Variants in VPS13B observed in about 807,000 individuals in gnomAD.
The protein encoded by VPS13B is intermembrane lipid transfer protein VPS13B.
In VPS13B, 285 loss-of-function variants were observed where a neutral mutation model predicts 426.4. The observed-to-expected ratio is 0.67, with a 90% CI of 0.61 to 0.74. VPS13B has a LOEUF of 0.74. VPS13B is among the 30% of genes least tolerant of loss of function. The probability of loss-of-function intolerance (pLI) is 0.00; values close to 1 mark genes in which losing one functional copy is unlikely to be tolerated. For synonymous variants in VPS13B, 1,676 were observed against 1,676.4 expected, an observed-to-expected ratio of 1.00 and a Z score of 0.01; for missense variants, 4,537 against 4,782.6, an observed-to-expected ratio of 0.95 and a Z score of 1.51.
At chr8:99,268,463 T>C (rs539690943) in intron 17 of VPS13B, among the ~76,000 whole-genome samples, 2 of 152,310 alleles carry the variant, frequency 1.3e-5, no homozygotes, top group South Asian at 4.1e-4. Context: ...TGGGAGCCCA[T>C]CTCTTGCAAC....
In VPS13B at chr8:99,851,315, A is replaced by C. The variant is rs970329379; in HGVS notation, c.10062-2136A>C. On this transcript the variant is annotated intron_variant, in intron 55 of 61. Coordinates refer to ENST00000357162, the MANE Select transcript of VPS13B (RefSeq NM_152564.5). ...GGATGAGGATACATCCATAAATAAAAAGGCCCAATCCCTTCCCTAGAGAAG... is the reference window on the plus strand; with the variant it reads ...GGATGAGGATACATCCATAAATAAACAGGCCCAATCCCTTCCCTAGAGAAG... 9.2e-5 allele frequency among the ~76,000 whole-genome samples: 14 copies of C among 152,366 alleles called. No individual in the cohort carries two copies. The East Asian group carries it at 2.5e-3, about 27-fold the overall frequency.
At chr8:99,662,690 C>T (rs759676252) in intron 35 of VPS13B, among the ~76,000 whole-genome samples, 5 of 152,046 alleles carry the variant, frequency 3.3e-5, no homozygotes, top group African/African-American at 7.2e-5. Context: ...TCAAGCAATC[C>T]GCCTGCCTCA....
At chr8:99,577,760 T>C (rs1825845470) in intron 33 of VPS13B, 127 bp downstream of exon 33, 3 of 1,223,856 alleles carry the variant, frequency 2.5e-6, no homozygotes, top group South Asian at 2.6e-5. Context: ...ATTCAAAATA[T>C]AGTCATAAGT....
chr8:99,038,643 T>C, intron 3 of VPS13B, 77 bp downstream of exon 3: 1 of 1,238,728 alleles, frequency 8.1e-7, no homozygotes, highest in South Asian at 1.3e-5. Context: ...TTTTCAAATA[T>C]GCCAACTGTT....
chr8:99,596,957 G>A (rs1028624606), intron 33 of VPS13B, among the ~76,000 whole-genome samples: 1 of 152,038 alleles, frequency 6.6e-6, no homozygotes, highest in Non-Finnish European at 1.5e-5. Flanking sequence ...TCCTCAGAAA[G>A]CAGCTTTGGT....
At chr8:99,086,957 T>C (rs991129143) in intron 3 of VPS13B, among the ~76,000 whole-genome samples, 2 of 152,290 alleles carry the variant, frequency 1.3e-5, no homozygotes. Flanking sequence ...AGCTGTGTGC[T>C]GGGAGAACCA....
intron 30 of VPS13B, among the ~76,000 whole-genome samples, chr8:99,549,771 C>G (rs746972515): frequency 6.6e-6 from 1 of 152,086 alleles, no homozygotes; most frequent in African/African-American, 2.4e-5. Context: ...TCTCCAGGCC[C>G]GCTGTTCAGA....
chr8:99,704,449 C>T (rs891289335), intron 36 of VPS13B, among the ~76,000 whole-genome samples: 4 of 152,078 alleles, frequency 2.6e-5, no homozygotes, highest in Non-Finnish European at 5.9e-5. Flanking sequence ...TGCAGAGATG[C>T]GAGTTAGCCT....
chr8:99,418,745 T>C (rs1816212767), intron 21 of VPS13B, among the ~76,000 whole-genome samples: 1 of 152,036 alleles, frequency 6.6e-6, no homozygotes, highest in Admixed American at 6.6e-5. Flanking sequence ...TTCATGAAAT[T>C]TTCGGAATAA....
chr8:99,799,622 A>G (rs555194964), intron 43 of VPS13B, among the ~76,000 whole-genome samples: 17 of 152,306 alleles, frequency 1.1e-4, no homozygotes, highest in African/African-American at 3.6e-4. Flanking sequence ...TCTTTTTTCT[A>G]ATTAAAAATT....
chr8:99,676,447 C>G (rs969597711), intron 35 of VPS13B, among the ~76,000 whole-genome samples: 2 of 151,956 alleles, frequency 1.3e-5, no homozygotes, highest in African/African-American at 4.8e-5. Context: ...TAAGGGGCTA[C>G]AAGAGTCTGC....
chr8:99,747,290 A>G (rs1810138902), intron 39 of VPS13B, among the ~76,000 whole-genome samples: 1 of 152,076 alleles, frequency 6.6e-6, no homozygotes, highest in South Asian at 2.1e-4. Context: ...TTGTACAAAA[A>G]AAAAAAAAAG....
intron 7 of VPS13B, among the ~76,000 whole-genome samples, chr8:99,117,635 T>C (rs1210698968): frequency 6.6e-6 from 1 of 152,156 alleles, no homozygotes; most frequent in Non-Finnish European, 1.5e-5. Flanking sequence ...AATACTGATA[T>C]AGGCTACAGC....
intron 17 of VPS13B, among the ~76,000 whole-genome samples, chr8:99,204,994 C>T (rs951567346): frequency 2.0e-5 from 3 of 152,196 alleles, no homozygotes; most frequent in African/African-American, 7.2e-5. Flanking sequence ...ACCCAGCCAT[C>T]CCATTACTGG....
chr8:99,867,428 A>T (rs867393193), intron 58 of VPS13B, among the ~76,000 whole-genome samples: 2 of 152,314 alleles, frequency 1.3e-5, no homozygotes, highest in Non-Finnish European at 2.9e-5. Flanking sequence ...CAGAGCTCCA[A>T]GGGGTTTTGG....
chr8:99,767,477 C>G (rs1049023537), intron 40 of VPS13B, among the ~76,000 whole-genome samples: 7 of 52,710 alleles, frequency 1.3e-4, no homozygotes, highest in African/African-American at 5.3e-4. Context: ...CCCTAGGTGA[C>G]AAAGTGCAAC....
intron 24 of VPS13B, among the ~76,000 whole-genome samples, chr8:99,473,188 A>G (rs1351720681): frequency 6.6e-6 from 1 of 152,098 alleles, no homozygotes; most frequent in Non-Finnish European, 1.5e-5. Context: ...CAAAACTTCA[A>G]AAAGACTTTA....
intron 3 of VPS13B, among the ~76,000 whole-genome samples, chr8:99,068,405 G>A (rs1563519190): frequency 6.6e-6 from 1 of 152,172 alleles, no homozygotes; most frequent in Non-Finnish European, 1.5e-5. Flanking sequence ...ATGATTTAGA[G>A]TAGGGGTAAT....
chr8:99,415,969 A>G (rs527458450), intron 21 of VPS13B, among the ~76,000 whole-genome samples: 1 of 152,350 alleles, frequency 6.6e-6, no homozygotes, highest in East Asian at 1.9e-4. Context: ...TGCTCTCTTC[A>G]GAGCTGGCAG....
Sources: gnomAD v4.1 joint callset for allele counts (sites outside exome capture counted in the v4.1 genomes callset) on GRCh38, gnomAD v4.1.1 for gene constraint, MANE v1.5 for transcripts, NCBI Gene and HGNC (gene_info 2026-07-23, HGNC 2026-07-21) for gene names.